ADGRV1: variants seen among roughly 807,000 people sequenced by gnomAD.
ADGRV1 encodes the protein adhesion G protein-coupled receptor V1.
Under a neutral mutation model 596.2 loss-of-function variants are expected in ADGRV1, and 359 were observed. That is an observed-to-expected ratio of 0.60 (90% CI 0.55 to 0.66). The LOEUF is 0.66. Ranked by LOEUF, ADGRV1 falls within the 30% of genes least tolerant of loss-of-function variation. The pLI, the probability that ADGRV1 is intolerant of heterozygous loss-of-function variation, is 0.00. For synonymous variants in ADGRV1, 2,681 were observed against 2,679.2 expected, an observed-to-expected ratio of 1.00 and a Z score of -0.02; for missense variants, 7,274 against 7,575.6, an observed-to-expected ratio of 0.96 and a Z score of 1.48.
intron 84 of ADGRV1, among the ~76,000 whole-genome samples, chr5:90,975,879 G>A (rs528422278): frequency 1.3e-5 from 2 of 151,328 alleles, no homozygotes; most frequent in South Asian, 2.1e-4. Flanking sequence ...ATAAGGCAGG[G>A]TTATATCTAC....
chr5:90,697,150 G>T lies in ADGRV1; in HGVS notation c.8155+4G>T, dbSNP rs397517438. 1.2e-6 allele frequency: 2 copies of T among 1,607,814 alleles called. No individual in the cohort carries two copies. The highest frequency in any genetic ancestry group is 1.3e-5 in the African/African-American group (1 of 74,730). On this transcript the variant is annotated splice_donor_region_variant and intron_variant, in intron 34 of 89. Transcript: ENST00000405460. Reference sequence around the variant, plus strand: ...AGATCTGTCATAGGTCATGAAGGTGGGTTCCTTTTTTTGTTAAGCATATTC... The same window carrying T: ...AGATCTGTCATAGGTCATGAAGGTGTGTTCCTTTTTTTGTTAAGCATATTC...
At chr5:91,029,198 C>T (rs936983156) in intron 85 of ADGRV1, among the ~76,000 whole-genome samples, 3 of 151,956 alleles carry the variant, frequency 2.0e-5, no homozygotes, top group Non-Finnish European at 4.4e-5. Flanking sequence ...ATTGATGGAG[C>T]GAGACTCCGT....
intron 4 of ADGRV1, among the ~76,000 whole-genome samples, chr5:90,620,810 A>G (rs914512455): frequency 2.6e-5 from 4 of 152,190 alleles, no homozygotes; most frequent in African/African-American, 7.2e-5. Flanking sequence ...TCAGCTTTCC[A>G]TATATGGCTA....
At chr5:91,103,312 T>A (rs1303034272) in intron 87 of ADGRV1, among the ~76,000 whole-genome samples, 1 of 152,054 alleles carries the variant, frequency 6.6e-6, no homozygotes, top group Non-Finnish European at 1.5e-5. Context: ...CTGTCTGTGG[T>A]TATAGTTACA....
At chr5:90,723,923 C>CT (rs57982634) in intron 45 of ADGRV1, among the ~76,000 whole-genome samples, 8,544 of 150,140 alleles carry the variant, frequency 0.057, 296 homozygotes, top group East Asian at 0.17. Context: ...TATTTTTGCC[C>CT]TTTTTTTTTC....
chr5:90,768,197 G>C (rs1047600675), intron 59 of ADGRV1, among the ~76,000 whole-genome samples: 1 of 152,156 alleles, frequency 6.6e-6, no homozygotes, highest in African/African-American at 2.4e-5. Context: ...TCCATTTTTA[G>C]AGTACTGCAT....
chr5:90,811,398 G>A, intron 74 of ADGRV1, 60 bp downstream of exon 74: 1 of 1,402,476 alleles, frequency 7.1e-7, no homozygotes, highest in Non-Finnish European at 9.5e-7. Flanking sequence ...TTTGTATTAA[G>A]GTGAATCTAG....
In ADGRV1 at chr5:90,697,135, T is replaced by C. The variant is rs1480315654; in HGVS notation, c.8144T>C (p.Ile2715Thr). The change falls in exon 34 of 90, where the codon ATA (isoleucine) becomes ACA (threonine). Residue 2715 changes from isoleucine to threonine, a missense_variant. Coordinates refer to ENST00000405460, the MANE Select transcript of ADGRV1 (RefSeq NM_032119.4). ...VSFQTASRSVIGHEGEILQFH... is the reference protein window; with the variant it reads ...VSFQTASRSVTGHEGEILQFH... ...TTTCAGACAGCTTCCAGATCTGTCA[T>C]AGGTCATGAAGGTGGGTTCCTTTTT... is the stretch of plus-strand genomic sequence containing the variant. The C allele has an allele frequency of 3.1e-6, 5 of 1,612,746 alleles. No individual in the cohort carries two copies. The East Asian group carries it at 6.7e-5, about 22-fold the overall frequency.
chr5:90,740,267 G>A (rs1170515289), intron 50 of ADGRV1, among the ~76,000 whole-genome samples: 1 of 152,068 alleles, frequency 6.6e-6, no homozygotes, highest in Admixed American at 6.5e-5. Context: ...CCAGGGCTTG[G>A]CTAGATCACA....
intron 85 of ADGRV1, among the ~76,000 whole-genome samples, chr5:91,063,349 C>T (rs1364997231): frequency 1.3e-5 from 2 of 152,150 alleles, no homozygotes; most frequent in Non-Finnish European, 2.9e-5. Flanking sequence ...AAGATAACTT[C>T]GCCACAAAAT....
chr5:90,838,817 G>A (rs1765183834), intron 77 of ADGRV1, among the ~76,000 whole-genome samples: 1 of 152,040 alleles, frequency 6.6e-6, no homozygotes, highest in Non-Finnish European at 1.5e-5. Context: ...CTTAAGCCCA[G>A]GAGTTGGATA....
intron 5 of ADGRV1, 25 bp downstream of exon 5, chr5:90,622,726 A>ATTTT (rs767517901): frequency 1.0e-6 from 1 of 994,180 alleles, no homozygotes; most frequent in South Asian, 2.1e-5. Context: ...AAGTCATTTT[A>ATTTT]TTTTATTTAT....
intron 6 of ADGRV1, 24 bp downstream of exon 6, chr5:90,625,267 A>C: frequency 2.1e-6 from 3 of 1,400,248 alleles, no homozygotes; most frequent in Non-Finnish European, 2.0e-6. Flanking sequence ...ACATACCCAA[A>C]TGGGACAAGG....
At chr5:90,776,417 C>T (rs1581087431) in intron 60 of ADGRV1, 36 bp from the exon 61 acceptor site, 8 of 1,581,702 alleles carry the variant, frequency 5.1e-6, no homozygotes, top group East Asian at 2.3e-5. Context: ...CTTATGTGCA[C>T]CTGCTACAAA....
Position 91,061,315 on chromosome 5 carries a change from G to A in ADGRV1, c.18153-11132G>A, listed in dbSNP as rs534165691. Among the ~76,000 whole-genome samples, 107 of 152,322 alleles carry A rather than the reference G, an allele frequency of 7.0e-4. 1 individual carries two copies. The highest frequency in any genetic ancestry group is 2.5e-3 in the African/African-American group (105 of 41,566). ...ACCTGGAATGAAGTTGGCAAGCGGT[G>A]TCCAGTGGATTTATTTCAGCAGTTT... On this transcript the variant is annotated intron_variant, in intron 85 of 89. Coordinates refer to ENST00000405460, the MANE Select transcript of ADGRV1 (RefSeq NM_032119.4).
intron 50 of ADGRV1, among the ~76,000 whole-genome samples, chr5:90,736,261 T>C (rs1381836985): frequency 3.3e-5 from 5 of 152,120 alleles, no homozygotes; most frequent in African/African-American, 1.2e-4. Context: ...TTTCTTAGTG[T>C]AGTGAATCAC....
At chr5:90,577,488 G>T (rs1580327244) in intron 1 of ADGRV1, among the ~76,000 whole-genome samples, 1 of 152,232 alleles carries the variant, frequency 6.6e-6, no homozygotes, top group East Asian at 1.9e-4. Flanking sequence ...ATCTGTTTTG[G>T]TACCAGTACC....
intron 50 of ADGRV1, among the ~76,000 whole-genome samples, chr5:90,736,715 C>T (rs938364660): frequency 2.6e-5 from 4 of 151,658 alleles, no homozygotes; most frequent in East Asian, 1.9e-4. Context: ...TGTGTCTAGA[C>T]GTTTATTCAT....
intron 87 of ADGRV1, among the ~76,000 whole-genome samples, chr5:91,105,445 A>G (rs752773840): frequency 2.0e-5 from 3 of 152,136 alleles, no homozygotes; most frequent in Non-Finnish European, 4.4e-5. Context: ...ACTAGTTTAT[A>G]TTCCCACCAG....
Sources: allele counts gnomAD v4.1 joint callset (sites outside exome capture counted in the v4.1 genomes callset), GRCh38; gene constraint gnomAD v4.1.1; transcripts MANE v1.5; gene names NCBI Gene and HGNC (gene_info 2026-07-23, HGNC 2026-07-21).